The following GNG12 variants were observed in gnomAD, a reference collection of about 807,000 sequenced individuals.
The protein encoded by GNG12 is guanine nucleotide-binding protein G(I)/G(S)/G(O) subunit gamma-12.
For missense variants in GNG12, 69 were observed against 83.8 expected, an observed-to-expected ratio of 0.82 and a Z score of 0.69; for synonymous variants, 28 against 29.7, an observed-to-expected ratio of 0.94 and a Z score of 0.19.
At chr1:67,795,779 T>C (rs1353756289) in intron 1 of GNG12, among the ~76,000 whole-genome samples, 1 of 152,134 alleles carries the variant, frequency 6.6e-6, no homozygotes, top group African/African-American at 2.4e-5. Context: ...TTTATTGCCA[T>C]TACAAGAAAA....
At chr1:67,733,502 T>C (rs894137678) in intron 2 of GNG12, among the ~76,000 whole-genome samples, 3 of 152,330 alleles carry the variant, frequency 2.0e-5, no homozygotes, top group Admixed American at 6.5e-5. Flanking sequence ...GGTTCTGCAA[T>C]TGCATTTTTC....
chr1:67,787,515 C>A (rs1646777659), intron 1 of GNG12, among the ~76,000 whole-genome samples: 1 of 152,146 alleles, frequency 6.6e-6, no homozygotes, highest in Non-Finnish European at 1.5e-5. Context: ...GTGAAAACCA[C>A]AGGACCAACG....
At chr1:67,820,087 T>TAA (rs34568221) in intron 1 of GNG12, among the ~76,000 whole-genome samples, 2,438 of 145,348 alleles carry the variant, frequency 0.017, 63 homozygotes, top group African/African-American at 0.056. Context: ...TTTGCTGAAT[T>TAA]AAAAAAAAAA....
intron 2 of GNG12, among the ~76,000 whole-genome samples, chr1:67,713,854 G>A (rs1646310087): frequency 6.6e-6 from 1 of 152,182 alleles, no homozygotes; most frequent in Non-Finnish European, 1.5e-5. Context: ...CGGCCCCTAG[G>A]CTCACTAACA....
chr1:67,790,590 G>C (rs564374594), intron 1 of GNG12, among the ~76,000 whole-genome samples: 21 of 149,680 alleles, frequency 1.4e-4, no homozygotes, highest in Non-Finnish European at 3.0e-4. Flanking sequence ...TCCCCTGACT[G>C]CATAGGCCAT....
chr1:67,723,841 T>C (rs796211655), intron 2 of GNG12, among the ~76,000 whole-genome samples: 32 of 152,316 alleles, frequency 2.1e-4, no homozygotes, highest in African/African-American at 7.5e-4. Context: ...CACCTAGTAA[T>C]TGTTATTCAC....
At position 67,774,137 on chromosome 1, in the gene GNG12, C is replaced by G. The variant is rs566309075; in HGVS notation, c.-27+3321G>C. 1.8e-4 allele frequency among the ~76,000 whole-genome samples: 28 copies of G among 152,278 alleles called. No homozygotes were observed. In the South Asian group the frequency reaches 5.4e-3, roughly 29 times the overall value. On this transcript the variant is annotated intron_variant, in intron 2 of 3. Transcript: ENST00000370982. ...TGAATCATGATCAACCCTGCTTCTT[C>G]TAAGTAACTGGTGTGCTTTTATCTT...
At chr1:67,763,825 A>G (rs1360099120) in intron 2 of GNG12, among the ~76,000 whole-genome samples, 1 of 152,152 alleles carries the variant, frequency 6.6e-6, no homozygotes, top group Non-Finnish European at 1.5e-5. Context: ...ATCCATTTAA[A>G]AGAATATGTT....
At chr1:67,730,843 G>A (rs1339895431) in intron 2 of GNG12, among the ~76,000 whole-genome samples, 6 of 152,194 alleles carry the variant, frequency 3.9e-5, no homozygotes, top group Non-Finnish European at 8.8e-5. Context: ...CAATACGGCT[G>A]TAATCTATTG....
chr1:67,724,454 A>G (rs1013326787), intron 2 of GNG12, among the ~76,000 whole-genome samples: 4 of 152,158 alleles, frequency 2.6e-5, no homozygotes, highest in African/African-American at 9.7e-5. Flanking sequence ...CAGTGGCGTG[A>G]TCTTGGCTCA....
intron 1 of GNG12, among the ~76,000 whole-genome samples, chr1:67,831,771 T>C (rs1282549430): frequency 6.6e-6 from 1 of 152,190 alleles, no homozygotes; most frequent in East Asian, 1.9e-4. Flanking sequence ...CTTGCTAGTA[T>C]ATATAATTTG....
rs536291723 is a variant in GNG12 at position 67,732,213 on chromosome 1, C to T, written c.-26-24501G>A. Reference sequence around the variant, plus strand: ...AGAATGTTTAAAGTTACTTAAGATGCTATATGAAGTGTACGTGAGGAATAT... The same window carrying T: ...AGAATGTTTAAAGTTACTTAAGATGTTATATGAAGTGTACGTGAGGAATAT... On this transcript the variant is annotated intron_variant, in intron 2 of 3. Transcript: ENST00000370982. Among the ~76,000 whole-genome samples, 5 of 152,328 alleles carry T rather than the reference C, an allele frequency of 3.3e-5. No individual in the cohort carries two copies. In the South Asian group the frequency reaches 1.0e-3, roughly 32 times the overall value.
At chr1:67,742,887 A>G (rs1332397177) in intron 2 of GNG12, among the ~76,000 whole-genome samples, 1 of 151,578 alleles carries the variant, frequency 6.6e-6, no homozygotes, top group Non-Finnish European at 1.5e-5. Flanking sequence ...GATGATATTG[A>G]CACAAGGATA....
intron 2 of GNG12, among the ~76,000 whole-genome samples, chr1:67,721,424 T>C (rs1646355612): frequency 6.6e-6 from 1 of 152,170 alleles, no homozygotes; most frequent in African/African-American, 2.4e-5. Context: ...CCAGATCTAC[T>C]GAATCAGAAA....
intron 2 of GNG12, among the ~76,000 whole-genome samples, chr1:67,730,282 A>G (rs990263538): frequency 2.0e-5 from 3 of 152,202 alleles, no homozygotes; most frequent in Non-Finnish European, 4.4e-5. Flanking sequence ...GGCAGATTAC[A>G]TGAGGCCAGG....
intron 2 of GNG12, among the ~76,000 whole-genome samples, chr1:67,762,226 T>C (rs1358605286): frequency 2.0e-5 from 3 of 152,166 alleles, no homozygotes; most frequent in Non-Finnish European, 4.4e-5. Context: ...ATTTGCCCAG[T>C]ACCTAACACA....
chr1:67,711,773 T>G (rs1239523472), intron 2 of GNG12, among the ~76,000 whole-genome samples: 2 of 152,216 alleles, frequency 1.3e-5, no homozygotes, highest in African/African-American at 4.8e-5. Context: ...TGTCCTCAGT[T>G]CAAAGTAATC....
intron 1 of GNG12, among the ~76,000 whole-genome samples, chr1:67,794,507 A>G (rs1646818753): frequency 6.6e-6 from 1 of 152,220 alleles, no homozygotes; most frequent in African/African-American, 2.4e-5. Context: ...AAAAAACTTA[A>G]TACAATAAAG....
chr1:67,727,147 C>T (rs3766260), intron 2 of GNG12, among the ~76,000 whole-genome samples: 72,278 of 152,084 alleles, frequency 0.48, 17,738 homozygotes, highest in South Asian at 0.56. Context: ...CAAATCCTAA[C>T]AGGTAATACA....
Sources: gnomAD v4.1 joint callset for allele counts (sites outside exome capture counted in the v4.1 genomes callset) on GRCh38, gnomAD v4.1.1 for gene constraint, MANE v1.5 for transcripts, NCBI Gene and HGNC (gene_info 2026-07-23, HGNC 2026-07-21) for gene names.